Variants in CCSER1 observed in about 807,000 individuals in gnomAD.
CCSER1 encodes the protein coiled-coil serine rich protein 1.
CCSER1 carries 41 observed loss-of-function variants against 82.0 expected under a neutral mutation model. The ratio of observed to expected loss-of-function variants is 0.50; its 90% CI spans 0.39 to 0.65. The LOEUF (loss-of-function observed/expected upper bound fraction) is 0.65. CCSER1 is among the 30% of genes least tolerant of loss of function. The probability of loss-of-function intolerance (pLI) is 0.00; values close to 1 mark genes in which losing one functional copy is unlikely to be tolerated. For missense variants in CCSER1, 1,119 were observed against 1,064.2 expected (o/e 1.05, Z -0.72); for synonymous variants, 414 against 383.9 (o/e 1.08, Z -0.92).
chr4:91,514,332 A>T (rs1254714290), intron 10 of CCSER1, among the ~76,000 whole-genome samples: 1 of 151,990 alleles, frequency 6.6e-6, no homozygotes, highest in Non-Finnish European at 1.5e-5. Flanking sequence ...GGTTGGTATG[A>T]TTTTGATTTT....
In CCSER1 at chr4:90,733,873, A is replaced by G. The variant is rs188999782; in HGVS notation, c.2010+9882A>G. Among the ~76,000 whole-genome samples, 693 of 151,952 alleles carry G rather than the reference A, an allele frequency of 4.6e-3. 7 individuals are homozygous for G. Among genetic ancestry groups the G allele is most frequent in the African/African-American group, 0.016 (661 of 41,466 alleles). On this transcript the variant is annotated intron_variant, in intron 7 of 10. Coordinates refer to ENST00000509176, the MANE Select transcript of CCSER1 (RefSeq NM_001145065.2). ...GTTTCTGGGTTCTCTATTCTGTCCC[A>G]TTGGTCTGTGTGTCTGTTTTTATGC...
At chr4:91,554,385 C>A (rs1578775701) in intron 10 of CCSER1, among the ~76,000 whole-genome samples, 1 of 150,920 alleles carries the variant, frequency 6.6e-6, no homozygotes, top group Admixed American at 6.6e-5. Flanking sequence ...TCTGTATGTT[C>A]ATTATAACCT....
At chr4:91,424,207 C>T (rs975555673) in intron 10 of CCSER1, among the ~76,000 whole-genome samples, 3 of 150,730 alleles carry the variant, frequency 2.0e-5, no homozygotes, top group Non-Finnish European at 4.4e-5. Flanking sequence ...TTAGTAGAGA[C>T]GGGGTTTCAC....
intron 6 of CCSER1, among the ~76,000 whole-genome samples, chr4:90,692,289 T>A (rs966814259): frequency 7.2e-5 from 11 of 151,902 alleles, no homozygotes; most frequent in Admixed American, 1.3e-4. Context: ...CTTTGTCATG[T>A]CATTAAATGC....
At chr4:90,172,503 T>C (rs1184004430) in intron 1 of CCSER1, among the ~76,000 whole-genome samples, 1 of 151,922 alleles carries the variant, frequency 6.6e-6, no homozygotes, top group African/African-American at 2.4e-5. Context: ...TAGTTATTGA[T>C]ATTGGTAAGT....
At chr4:90,913,987 C>A (rs1726869500) in intron 8 of CCSER1, among the ~76,000 whole-genome samples, 1 of 152,188 alleles carries the variant, frequency 6.6e-6, no homozygotes, top group Non-Finnish European at 1.5e-5. Flanking sequence ...CACCCAGATT[C>A]ATAAAGCAAG....
At chr4:90,411,609 A>C (rs1395459216) in intron 4 of CCSER1, among the ~76,000 whole-genome samples, 1 of 152,250 alleles carries the variant, frequency 6.6e-6, no homozygotes, top group Non-Finnish European at 1.5e-5. Flanking sequence ...TTAGGTATTG[A>C]TGGGATGTAT....
chr4:91,386,739 C>G (rs1036207276), intron 10 of CCSER1, among the ~76,000 whole-genome samples: 1 of 152,002 alleles, frequency 6.6e-6, no homozygotes, highest in Non-Finnish European at 1.5e-5. Context: ...CATGTGACAG[C>G]CTACAAAGCA....
At chr4:91,457,488 G>C (rs1756250572) in intron 10 of CCSER1, among the ~76,000 whole-genome samples, 1 of 151,852 alleles carries the variant, frequency 6.6e-6, no homozygotes, top group Non-Finnish European at 1.5e-5. Flanking sequence ...AACATAGCAA[G>C]ACCCCATCTC....
chr4:90,750,184 G>A (rs552674195), intron 7 of CCSER1, among the ~76,000 whole-genome samples: 17 of 151,900 alleles, frequency 1.1e-4, no homozygotes, highest in African/African-American at 3.1e-4. Flanking sequence ...TGTAGATTCT[G>A]GATATTAGCC....
chr4:90,280,901 G>A (rs1728734234), intron 1 of CCSER1, among the ~76,000 whole-genome samples: 1 of 151,888 alleles, frequency 6.6e-6, no homozygotes, highest in South Asian at 2.1e-4. Context: ...CTTTTGCCTT[G>A]TAAATCACGT....
chr4:91,186,104 C>T (rs188541793), intron 10 of CCSER1, among the ~76,000 whole-genome samples: 64 of 152,256 alleles, frequency 4.2e-4, no homozygotes, highest in African/African-American at 1.3e-3. Context: ...TCGCTCGAGG[C>T]GCTGCTTGAA....
At chr4:91,158,257 A>G (rs1028469693) in intron 10 of CCSER1, among the ~76,000 whole-genome samples, 7 of 151,978 alleles carry the variant, frequency 4.6e-5, no homozygotes, top group Non-Finnish European at 8.8e-5. Context: ...GCACTATTTT[A>G]TGCTTTCTTT....
chr4:91,446,494 T>A (rs1173274265), intron 10 of CCSER1, among the ~76,000 whole-genome samples: 1 of 151,864 alleles, frequency 6.6e-6, no homozygotes, highest in East Asian at 1.9e-4. Flanking sequence ...CAAAATTCAA[T>A]AAATTTTAAA....
chr4:90,555,643 GA>G, intron 5 of CCSER1, among the ~76,000 whole-genome samples: 1 of 152,094 alleles, frequency 6.6e-6, no homozygotes, highest in South Asian at 2.1e-4. Context: ...GTGTGTAAAT[GA>G]TGTGCCTTTA....
intron 4 of CCSER1, among the ~76,000 whole-genome samples, chr4:90,418,785 G>C (rs954892837): frequency 8.6e-5 from 13 of 151,950 alleles, no homozygotes; most frequent in African/African-American, 2.9e-4. Flanking sequence ...ATTTGTCTTT[G>C]ACTTCACCTA....
chr4:91,450,191 T>A (rs907778665), intron 10 of CCSER1, among the ~76,000 whole-genome samples: 7 of 152,004 alleles, frequency 4.6e-5, no homozygotes, highest in Non-Finnish European at 8.8e-5. Context: ...AGGGAGAGAC[T>A]CTTCTACTCA....
chr4:91,419,290 G>A (rs551465816), intron 10 of CCSER1, among the ~76,000 whole-genome samples: 1 of 152,106 alleles, frequency 6.6e-6, no homozygotes, highest in South Asian at 2.1e-4. Flanking sequence ...AAGAAGTTAA[G>A]TTGTCTCTGC....
chr4:91,587,727 G>C (rs1042630377), intron 10 of CCSER1, among the ~76,000 whole-genome samples: 9 of 151,568 alleles, frequency 5.9e-5, no homozygotes, highest in African/African-American at 2.2e-4. Context: ...TGCAGATCTT[G>C]TGTCTATGCA....
Sources: allele counts gnomAD v4.1 joint callset (sites outside exome capture counted in the v4.1 genomes callset), GRCh38; gene constraint gnomAD v4.1.1; transcripts MANE v1.5; gene names NCBI Gene and HGNC (gene_info 2026-07-23, HGNC 2026-07-21).